HLCS: variants seen among roughly 807,000 people sequenced by gnomAD.
HLCS encodes biotin--protein ligase.
Under a neutral mutation model 75.0 loss-of-function variants are expected in HLCS, and 53 were observed. The ratio of observed to expected loss-of-function variants is 0.71; its 90% CI spans 0.57 to 0.89. The LOEUF (loss-of-function observed/expected upper bound fraction) is 0.89. HLCS is among the 40% of genes least tolerant of loss of function. HLCS has a pLI of 0.00. For missense variants in HLCS, 966 were observed against 1,074.0 expected (o/e 0.90, Z 1.41); for synonymous variants, 431 against 428.6 (o/e 1.01, Z -0.07).
chr21:36,764,803 T>C (rs1308351337), intron 8 of HLCS, among the ~76,000 whole-genome samples: 1 of 151,930 alleles, frequency 6.6e-6, no homozygotes, highest in Non-Finnish European at 1.5e-5. Context: ...AGAAAGGGAG[T>C]TCTGGGGAAT....
At chr21:36,878,228 GCT>G (rs555195221) in intron 6 of HLCS, among the ~76,000 whole-genome samples, 183 of 151,892 alleles carry the variant, frequency 1.2e-3, no homozygotes, top group Middle Eastern at 3.4e-3. Context: ...GGTCCCTGAG[GCT>G]CTGTTTATTT....
intron 9 of HLCS, among the ~76,000 whole-genome samples, chr21:36,757,373 T>A (rs933690513): frequency 2.0e-5 from 3 of 152,118 alleles, no homozygotes; most frequent in African/African-American, 7.2e-5. Context: ...CAAGGCTTCA[T>A]GAGAGTTACC....
chr21:36,780,667 G>T (rs1168841158), intron 6 of HLCS, among the ~76,000 whole-genome samples: 1 of 152,088 alleles, frequency 6.6e-6, no homozygotes, highest in Non-Finnish European at 1.5e-5. Flanking sequence ...ATTGCTGGAG[G>T]TATATCTTCA....
chr21:36,849,271 T>C (rs1275867053), intron 6 of HLCS, among the ~76,000 whole-genome samples: 12 of 152,238 alleles, frequency 7.9e-5, no homozygotes. Context: ...AATGCATCCA[T>C]CATGGTGCAC....
At chr21:36,884,076 T>G (rs933850680) in intron 6 of HLCS, among the ~76,000 whole-genome samples, 1 of 152,240 alleles carries the variant, frequency 6.6e-6, no homozygotes, top group African/African-American at 2.4e-5. Flanking sequence ...TGTGCGTGGA[T>G]GCTTAAGGGC....
At chr21:36,898,752 T>C (rs183641774) in intron 5 of HLCS, among the ~76,000 whole-genome samples, 16 of 152,124 alleles carry the variant, frequency 1.1e-4, no homozygotes, top group African/African-American at 2.9e-4. Context: ...CTGTCAGTTT[T>C]AATAGGTGTG....
intron 5 of HLCS, among the ~76,000 whole-genome samples, chr21:36,907,254 A>G (rs2065499595): frequency 6.6e-6 from 1 of 152,228 alleles, no homozygotes; most frequent in Non-Finnish European, 1.5e-5. Flanking sequence ...GACTTTGGGT[A>G]GGTAAAGTTT....
intron 6 of HLCS, among the ~76,000 whole-genome samples, chr21:36,871,544 A>C (rs1237046692): frequency 1.3e-5 from 2 of 152,206 alleles, no homozygotes; most frequent in African/African-American, 4.8e-5. Flanking sequence ...AACGCTACGA[A>C]AATACAATTT....
chr21:36,976,392 TCA>T (rs146534374), intron 1 of HLCS, among the ~76,000 whole-genome samples: 12 of 140,244 alleles, frequency 8.6e-5, no homozygotes, highest in Middle Eastern at 3.6e-3. Flanking sequence ...AGGAAGTCAG[TCA>T]CACACACACA....
chr21:36,882,499 G>C (rs1310863976), intron 6 of HLCS, among the ~76,000 whole-genome samples: 1 of 151,878 alleles, frequency 6.6e-6, no homozygotes, highest in Non-Finnish European at 1.5e-5. Context: ...GGAGTGCAGT[G>C]CCGCAATCTC....
At chr21:36,892,757 G>A (rs557088413) in intron 6 of HLCS, among the ~76,000 whole-genome samples, 1 of 152,262 alleles carries the variant, frequency 6.6e-6, no homozygotes, top group East Asian at 1.9e-4. Context: ...ATGGGGAATG[G>A]TAGACGGAGA....
intron 6 of HLCS, among the ~76,000 whole-genome samples, chr21:36,877,497 T>G (rs983489118): frequency 6.6e-6 from 1 of 152,192 alleles, no homozygotes; most frequent in African/African-American, 2.4e-5. Context: ...TCAGATCAAA[T>G]GCAGAAATGT....
intron 2 of HLCS, among the ~76,000 whole-genome samples, chr21:36,957,048 G>A (rs1169560420): frequency 1.5e-4 from 12 of 78,708 alleles, no homozygotes; most frequent in Non-Finnish European, 2.2e-4. Context: ...GCCAGACTCC[G>A]TCTCAAAAAA....
In HLCS at chr21:36,829,849, C is replaced by G. The variant is rs543972588; in HGVS notation, c.1893-62564G>C. ...AAGGAGGGGCAGGCACGCAGCTACA[C>G]TATATGAGCTCACGTCTGATGGTTT... On this transcript the variant is annotated intron_variant, in intron 6 of 10. Transcript: ENST00000674895. Among the ~76,000 whole-genome samples the G allele has an allele frequency of 2.6e-5, 4 of 152,348 alleles. No homozygotes were observed. The South Asian group carries it at 8.3e-4, about 32-fold the overall frequency.
At chr21:36,840,343 G>T (rs751545005) in intron 6 of HLCS, among the ~76,000 whole-genome samples, 14 of 152,052 alleles carry the variant, frequency 9.2e-5, no homozygotes, top group Non-Finnish European at 1.6e-4. Context: ...TTGAAGTACT[G>T]CCTTCATAAC....
chr21:36,872,062 T>A (rs1278249005), intron 6 of HLCS, among the ~76,000 whole-genome samples: 2 of 152,224 alleles, frequency 1.3e-5, no homozygotes, highest in African/African-American at 4.8e-5. Flanking sequence ...TATCAACCTA[T>A]GCATCCAGCC....
At chr21:36,965,555 A>C (rs1569260240) in intron 1 of HLCS, among the ~76,000 whole-genome samples, 1 of 152,188 alleles carries the variant, frequency 6.6e-6, no homozygotes, top group Non-Finnish European at 1.5e-5. Context: ...GGTCAAAAAA[A>C]ACAAAGGCTG....
chr21:36,797,027 C>T (rs941772885), intron 6 of HLCS, among the ~76,000 whole-genome samples: 6 of 151,982 alleles, frequency 3.9e-5, no homozygotes, highest in African/African-American at 9.7e-5. Flanking sequence ...CAACCACACC[C>T]GGCTAATTTT....
intron 6 of HLCS, among the ~76,000 whole-genome samples, chr21:36,853,702 G>A (rs375178745): frequency 6.6e-6 from 1 of 152,154 alleles, no homozygotes; most frequent in South Asian, 2.1e-4. Flanking sequence ...ACCAGTAACA[G>A]ATTCTTTCAC....
Sources: allele counts gnomAD v4.1 joint callset (sites outside exome capture counted in the v4.1 genomes callset), GRCh38; gene constraint gnomAD v4.1.1; transcripts MANE v1.5; gene names NCBI Gene and HGNC (gene_info 2026-07-23, HGNC 2026-07-21).